ABLIM1: variants seen among roughly 807,000 people sequenced by gnomAD.
ABLIM1 encodes the protein actin-binding LIM protein 1.
A neutral mutation model predicts 107.0 loss-of-function variants in ABLIM1; 40 were observed. The ratio of observed to expected loss-of-function variants is 0.37; its 90% CI spans 0.29 to 0.49. The LOEUF (loss-of-function observed/expected upper bound fraction) is 0.49, where lower values mean the gene tolerates loss of function less well. ABLIM1 is among the 20% of genes least tolerant of loss of function. The pLI is 0.97. For missense variants in ABLIM1, 857 were observed against 1,008.5 expected (o/e 0.85, Z 2.04); for synonymous variants, 357 against 357.3 (o/e 1.00, Z 0.01).
chr10:114,607,678 T>C (rs2076519142), intron 1 of ABLIM1, among the ~76,000 whole-genome samples: 1 of 152,072 alleles, frequency 6.6e-6, no homozygotes, highest in Non-Finnish European at 1.5e-5. Context: ...ATAATCCCTA[T>C]GAAATCATGA....
At chr10:114,535,558 C>A (rs1013521312) in intron 6 of ABLIM1, among the ~76,000 whole-genome samples, 2 of 152,174 alleles carry the variant, frequency 1.3e-5, no homozygotes, top group East Asian at 1.9e-4. Context: ...TGATCTCCCA[C>A]CTCGGCCTCC....
At chr10:114,447,791 A>G (rs1325489245) in intron 15 of ABLIM1, 89 bp downstream of exon 15, 5 of 1,544,340 alleles carry the variant, frequency 3.2e-6, no homozygotes, top group East Asian at 4.5e-5. Context: ...TCTTCATAAT[A>G]GGATACATTT....
At chr10:114,444,720 T>C (rs1043161185) in intron 16 of ABLIM1, among the ~76,000 whole-genome samples, 1 of 152,186 alleles carries the variant, frequency 6.6e-6, no homozygotes, top group Admixed American at 6.5e-5. Context: ...GCATTTCCTA[T>C]ATGCTTAGAA....
intron 1 of ABLIM1, among the ~76,000 whole-genome samples, chr10:114,647,209 G>GTGGC (rs1555215585): frequency 6.6e-6 from 1 of 151,792 alleles, no homozygotes; most frequent in African/African-American, 2.4e-5. Flanking sequence ...TGTTGGGCCA[G>GTGGC]ACTGGTCTTG....
chr10:114,573,164 C>A (rs1278793756), intron 3 of ABLIM1, among the ~76,000 whole-genome samples: 1 of 152,288 alleles, frequency 6.6e-6, no homozygotes, highest in East Asian at 1.9e-4. Context: ...TAACTTCCTT[C>A]TTTTATTTGC....
At chr10:114,476,362 C>A (rs1431505978) in intron 8 of ABLIM1, among the ~76,000 whole-genome samples, 1 of 152,156 alleles carries the variant, frequency 6.6e-6, no homozygotes, top group African/African-American at 2.4e-5. Context: ...AATGTGCAGG[C>A]TGGGCGCAGT....
At chr10:114,562,562 T>C (rs1438917070) in intron 4 of ABLIM1, among the ~76,000 whole-genome samples, 1 of 152,180 alleles carries the variant, frequency 6.6e-6, no homozygotes, top group African/African-American at 2.4e-5. Context: ...AAACATGTTT[T>C]GATTCTGTTA....
chr10:114,519,693 C>T (rs748949001), intron 6 of ABLIM1, among the ~76,000 whole-genome samples: 27 of 152,314 alleles, frequency 1.8e-4, no homozygotes, highest in African/African-American at 6.5e-4. Context: ...GGTCCCTGCT[C>T]TTTGTGATGG....
intron 1 of ABLIM1, among the ~76,000 whole-genome samples, chr10:114,696,785 G>T (rs1302468761): frequency 2.6e-5 from 4 of 152,048 alleles, no homozygotes; most frequent in Admixed American, 6.6e-5. Flanking sequence ...CCCAGTCTCG[G>T]GTATGTCTTT....
intron 4 of ABLIM1, among the ~76,000 whole-genome samples, chr10:114,562,186 T>G (rs2069820617): frequency 6.6e-6 from 1 of 152,122 alleles, no homozygotes; most frequent in South Asian, 2.1e-4. Context: ...TCTCCAGTGT[T>G]GTACTCAAAG....
chr10:114,603,907 C>G (rs566179157), intron 1 of ABLIM1, among the ~76,000 whole-genome samples: 2 of 148,038 alleles, frequency 1.4e-5, no homozygotes, highest in East Asian at 4.0e-4. Context: ...GAGCCGAGAT[C>G]GCACCATTGC....
chr10:114,594,881 A>G (rs2483584), intron 2 of ABLIM1: 117,157 of 152,232 alleles, frequency 0.77, 46,084 homozygotes, highest in African/African-American at 0.92. Context: ...GGTTTATAGT[A>G]AACAAAACAG....
At position 114,610,981 on chromosome 10, in the gene ABLIM1, G is replaced by T. The variant is rs535690394; in HGVS notation, c.245-9020C>A. On this transcript the variant is annotated intron_variant, in intron 1 of 22. Transcript: ENST00000533213. The stretch of plus-strand genomic sequence containing the variant: ...AGCCTGGCCAACATAGTGAAACCCT[G>T]TCTCTACCAAAAATACAAAAGATTA... Among the ~76,000 whole-genome samples the T allele has an allele frequency of 1.1e-4, 16 of 151,754 alleles. No individual in the cohort carries two copies. The East Asian group carries it at 2.1e-3, about 20-fold the overall frequency.
intron 18 of ABLIM1, 43 bp downstream of exon 18, chr10:114,441,679 G>A: frequency 1.9e-6 from 3 of 1,562,882 alleles, no homozygotes; most frequent in Non-Finnish European, 2.6e-6. Context: ...CAGGGCCGAG[G>A]TGGGAGTAAA....
chr10:114,767,983 T>C (rs867056666), intron 1 of ABLIM1: 7 of 408,524 alleles, frequency 1.7e-5, no homozygotes, highest in Middle Eastern at 1.6e-3. Flanking sequence ...CCGGCGCGGC[T>C]GTCGCAGCCC....
At chr10:114,584,166 C>T (rs2073938446) in intron 2 of ABLIM1, among the ~76,000 whole-genome samples, 1 of 93,204 alleles carries the variant, frequency 1.1e-5, no homozygotes, top group Non-Finnish European at 2.8e-5. Context: ...AAAAGAAAGT[C>T]CTGTTCCTTT....
At chr10:114,791,632 C>T in the ABLIM1 span, among the ~76,000 whole-genome samples, 5 of 150,146 alleles carry the variant, frequency 3.3e-5, no homozygotes, top group South Asian at 4.2e-4. Flanking sequence ...AGCAAGATTC[C>T]GTCTCAAAAA....
chr10:114,600,556 AC>A (rs1433293742), intron 2 of ABLIM1, among the ~76,000 whole-genome samples: 1 of 152,060 alleles, frequency 6.6e-6, no homozygotes, highest in Non-Finnish European at 1.5e-5. Flanking sequence ...ACTGGAACCT[AC>A]CCAAGAGCCC....
chr10:114,493,076 A>G (rs916904731), intron 6 of ABLIM1, among the ~76,000 whole-genome samples: 2 of 152,196 alleles, frequency 1.3e-5, no homozygotes, highest in African/African-American at 4.8e-5. Flanking sequence ...AAAATTTTTT[A>G]CTTTTCTGCA....
Sources: allele counts gnomAD v4.1 joint callset (sites outside exome capture counted in the v4.1 genomes callset), GRCh38; gene constraint gnomAD v4.1.1; transcripts MANE v1.5; gene names NCBI Gene and HGNC (gene_info 2026-07-23, HGNC 2026-07-21).